LCORL: variants seen among roughly 807,000 people sequenced by gnomAD.
LCORL encodes the protein ligand dependent nuclear receptor corepressor like.
LCORL carries 41 observed loss-of-function variants against 141.8 expected under a neutral mutation model. That is an observed-to-expected ratio of 0.29 (90% CI 0.23 to 0.38). The LOEUF is 0.38. Ranked by LOEUF, LCORL falls within the 10% of genes least tolerant of loss-of-function variation. The pLI is 1.00. For synonymous variants in LCORL, 618 were observed against 694.1 expected (o/e 0.89, Z 1.72); for missense variants, 1,759 against 2,035.0 (o/e 0.86, Z 2.61).
intron 1 of LCORL, among the ~76,000 whole-genome samples, chr4:18,016,377 TG>T (rs1360635449): frequency 2.6e-5 from 4 of 152,194 alleles, no homozygotes; most frequent in Non-Finnish European, 5.9e-5. Context: ...AGAACCTTTA[TG>T]TTTATTTGCT....
rs1712861424 is a variant in LCORL, at chr4:17,957,307, CCTT to C, written c.430+4593_430+4595del. 2.0e-5 allele frequency among the ~76,000 whole-genome samples: 3 copies of C among 152,008 alleles called. No homozygotes were observed. In the South Asian group the frequency reaches 6.2e-4, roughly 32 times the overall value. ...CTTGAAAGTTGCCTGCCAGTTGCCT[CCTT>C]ATGTTACATAAAGTAAGGAATTAAA... is the stretch of plus-strand genomic sequence containing the variant. On this transcript the variant is annotated intron_variant, in intron 4 of 7. Coordinates refer to ENST00000635767, the Ensembl canonical transcript of LCORL.
At chr4:17,967,464 G>C (rs1004201077) in intron 2 of LCORL, among the ~76,000 whole-genome samples, 1 of 152,196 alleles carries the variant, frequency 6.6e-6, no homozygotes. Flanking sequence ...AATATACAGG[G>C]ACCTGAAGGC....
At chr4:17,970,305 T>C (rs1009044195) in intron 2 of LCORL, among the ~76,000 whole-genome samples, 1 of 152,214 alleles carries the variant, frequency 6.6e-6, no homozygotes, top group Non-Finnish European at 1.5e-5. Flanking sequence ...TCTACAAAAA[T>C]GTTCTCTCCT....
chr4:17,963,208 A>C (rs1268832359), intron 2 of LCORL, among the ~76,000 whole-genome samples, 159 bp from the exon 3 acceptor site: 1 of 152,080 alleles, frequency 6.6e-6, no homozygotes, highest in Non-Finnish European at 1.5e-5. Flanking sequence ...ACATCTAGAA[A>C]TAAACAGAGA....
At chr4:17,852,528 G>A (rs1238186388) in intron 7 of LCORL, among the ~76,000 whole-genome samples, 2 of 152,246 alleles carry the variant, frequency 1.3e-5, no homozygotes, top group Non-Finnish European at 1.5e-5. Context: ...GCATGTTTTG[G>A]TGAAAAGAGA....
intron 4 of LCORL, among the ~76,000 whole-genome samples, chr4:17,940,177 T>C (rs939979313): frequency 6.8e-6 from 1 of 147,080 alleles, no homozygotes; most frequent in Non-Finnish European, 1.5e-5. Flanking sequence ...TACATGTATA[T>C]ATATATATAT....
chr4:17,920,186 T>C (rs1428959787), intron 4 of LCORL, among the ~76,000 whole-genome samples: 2 of 152,168 alleles, frequency 1.3e-5, no homozygotes, highest in Non-Finnish European at 2.9e-5. Flanking sequence ...TGTAACACTA[T>C]CTCCAGGTAG....
chr4:17,929,006 C>T (rs1735587660), intron 4 of LCORL, among the ~76,000 whole-genome samples: 1 of 151,996 alleles, frequency 6.6e-6, no homozygotes, highest in Non-Finnish European at 1.5e-5. Context: ...ACCAATAGCA[C>T]AAAACAATTC....
At chr4:18,013,651 A>G (rs962498758) in intron 1 of LCORL, among the ~76,000 whole-genome samples, 13 of 152,216 alleles carry the variant, frequency 8.5e-5, no homozygotes, top group South Asian at 2.1e-4. Context: ...TACTGTCACT[A>G]AACAGTTTAT....
intron 1 of LCORL, among the ~76,000 whole-genome samples, chr4:17,992,227 T>C (rs1024286332): frequency 1.3e-5 from 2 of 152,154 alleles, no homozygotes; most frequent in Non-Finnish European, 2.9e-5. Flanking sequence ...TCATTCTTCA[T>C]ATGGCAGCAG....
chr4:17,925,720 A>C (rs376841544), intron 4 of LCORL, among the ~76,000 whole-genome samples: 32 of 151,832 alleles, frequency 2.1e-4, no homozygotes, highest in African/African-American at 7.5e-4. Flanking sequence ...AAATACAAAA[A>C]ATTAGCCAGG....
intron 6 of LCORL, chr4:17,880,269 A>G (rs930709819): frequency 4.9e-6 from 1 of 204,580 alleles, no homozygotes; most frequent in African/African-American, 2.4e-5. Flanking sequence ...ATTCTCCCCC[A>G]TATTTCTTGC....
At chr4:17,892,498 C>T (rs191416241) in intron 5 of LCORL, among the ~76,000 whole-genome samples, 25 of 152,290 alleles carry the variant, frequency 1.6e-4, no homozygotes, top group African/African-American at 5.8e-4. Flanking sequence ...GCATGAACCA[C>T]CATGCCCGGG....
At chr4:17,930,439 G>T (rs942058716) in intron 4 of LCORL, among the ~76,000 whole-genome samples, 1 of 152,172 alleles carries the variant, frequency 6.6e-6, no homozygotes, top group Non-Finnish European at 1.5e-5. Flanking sequence ...ATAATGTCTT[G>T]TTCCAATTTT....
chr4:17,995,772 A>G (rs1720823711), intron 1 of LCORL, among the ~76,000 whole-genome samples: 1 of 152,088 alleles, frequency 6.6e-6, no homozygotes, highest in East Asian at 1.9e-4. Context: ...TGAGTTTTAT[A>G]TCTAATATTA....
chr4:17,936,399 C>T (rs1301330841), intron 4 of LCORL, among the ~76,000 whole-genome samples: 1 of 146,978 alleles, frequency 6.8e-6, no homozygotes, highest in Non-Finnish European at 1.5e-5. Flanking sequence ...CCAGAAAGAT[C>T]AAATCAGTGA....
intron 1 of LCORL, among the ~76,000 whole-genome samples, chr4:17,973,275 T>A (rs943069153): frequency 9.2e-5 from 14 of 151,852 alleles, no homozygotes; most frequent in African/African-American, 3.4e-4. Context: ...AATAGCATCT[T>A]TAACATCAAT....
chr4:17,888,360 T>A (rs1343615744), intron 5 of LCORL, among the ~76,000 whole-genome samples: 1 of 152,136 alleles, frequency 6.6e-6, no homozygotes, highest in Non-Finnish European at 1.5e-5. Context: ...CCAGCTTAAT[T>A]TTAAGCTTAG....
chr4:17,977,641 T>C (rs1236636324), intron 1 of LCORL, among the ~76,000 whole-genome samples: 1 of 152,184 alleles, frequency 6.6e-6, no homozygotes, highest in Non-Finnish European at 1.5e-5. Context: ...TTTCCTATTT[T>C]GTTTTAAAAT....
Sources: allele counts gnomAD v4.1 joint callset (sites outside exome capture counted in the v4.1 genomes callset), GRCh38; gene constraint gnomAD v4.1.1; transcripts MANE v1.5; gene names NCBI Gene and HGNC (gene_info 2026-07-23, HGNC 2026-07-21).